The following ERC2 variants were observed in gnomAD, a reference collection of about 807,000 sequenced individuals.
ERC2 encodes ELKS/RAB6-interacting/CAST family member 2, also known as ERC protein 2.
A neutral mutation model predicts 114.8 loss-of-function variants in ERC2; 42 were observed. That is an observed-to-expected ratio of 0.37 (90% CI 0.29 to 0.47). The LOEUF is 0.47. Ranked by LOEUF, ERC2 falls within the 20% of genes least tolerant of loss-of-function variation. The pLI, the probability that ERC2 is intolerant of heterozygous loss-of-function variation, is 0.99. For synonymous variants in ERC2, 454 were observed against 425.5 expected (o/e 1.07, Z -0.82); for missense variants, 939 against 1,150.7 (o/e 0.82, Z 2.66).
intron 14 of ERC2, among the ~76,000 whole-genome samples, chr3:55,864,116 TATACAC>T (rs58611764): frequency 1.5e-3 from 178 of 118,520 alleles, no homozygotes; most frequent in African/African-American, 5.4e-3. Flanking sequence ...TATATATATA[TATACAC>T]ACACACATAT....
intron 15 of ERC2, among the ~76,000 whole-genome samples, chr3:55,731,771 T>C (rs1306965830): frequency 6.6e-6 from 1 of 152,206 alleles, no homozygotes; most frequent in Admixed American, 6.5e-5. Context: ...AGTTGATGTA[T>C]GTAAAGCCCT....
intron 13 of ERC2, among the ~76,000 whole-genome samples, chr3:55,918,848 C>T (rs1051381027): frequency 6.6e-6 from 1 of 150,450 alleles, no homozygotes; most frequent in Non-Finnish European, 1.5e-5. Flanking sequence ...AAGAATCATG[C>T]CAAAACACAG....
chr3:55,746,293 G>T (rs1033684585), intron 14 of ERC2, among the ~76,000 whole-genome samples: 1 of 151,836 alleles, frequency 6.6e-6, no homozygotes, highest in African/African-American at 2.4e-5. Flanking sequence ...GAGTGCAGTG[G>T]CATCATCTCG....
At chr3:56,334,817 T>C (rs1359507424) in intron 2 of ERC2, among the ~76,000 whole-genome samples, 3 of 150,946 alleles carry the variant, frequency 2.0e-5, no homozygotes, top group African/African-American at 7.4e-5. Context: ...GTTTGTTTGT[T>C]TGTTTGAAAC....
chr3:55,610,062 A>C (rs145015862), intron 17 of ERC2, among the ~76,000 whole-genome samples: 1 of 108,942 alleles, frequency 9.2e-6, no homozygotes, highest in Non-Finnish European at 1.8e-5. Context: ...AACAAACACA[A>C]ACAAAAAAAA....
At chr3:56,354,744 T>C (rs1293047456) in intron 2 of ERC2, among the ~76,000 whole-genome samples, 1 of 152,204 alleles carries the variant, frequency 6.6e-6, no homozygotes, top group Non-Finnish European at 1.5e-5. Flanking sequence ...AGATACTTTT[T>C]GAATTGAAAT....
intron 7 of ERC2, among the ~76,000 whole-genome samples, chr3:56,032,574 T>C (rs1347469666): frequency 2.0e-5 from 3 of 152,010 alleles, no homozygotes; most frequent in Non-Finnish European, 4.4e-5. Flanking sequence ...TATAAAAAGA[T>C]CTTCACTGAG....
intron 4 of ERC2, among the ~76,000 whole-genome samples, chr3:56,160,010 T>A (rs2081966394): frequency 6.6e-6 from 1 of 152,146 alleles, no homozygotes; most frequent in Non-Finnish European, 1.5e-5. Flanking sequence ...TTTACATTCC[T>A]TTGGGTAATG....
At chr3:56,308,531 T>C (rs972917746) in intron 2 of ERC2, among the ~76,000 whole-genome samples, 1 of 152,192 alleles carries the variant, frequency 6.6e-6, no homozygotes, top group African/African-American at 2.4e-5. Flanking sequence ...ATTATATATG[T>C]ATGATGTGCA....
At chr3:55,633,512 C>T (rs6803782) in intron 17 of ERC2, among the ~76,000 whole-genome samples, 1 of 152,048 alleles carries the variant, frequency 6.6e-6, no homozygotes, top group Non-Finnish European at 1.5e-5. Flanking sequence ...CTCTACTGGG[C>T]TGTAAGCTTC....
intron 14 of ERC2, among the ~76,000 whole-genome samples, chr3:55,869,246 C>A (rs2062459502): frequency 6.6e-6 from 1 of 152,054 alleles, no homozygotes; most frequent in Non-Finnish European, 1.5e-5. Context: ...GGGTCTCTAG[C>A]CCTGCTTGGT....
intron 2 of ERC2, among the ~76,000 whole-genome samples, chr3:56,373,856 G>A (rs1560696557): frequency 6.6e-6 from 1 of 152,058 alleles, no homozygotes; most frequent in Non-Finnish European, 1.5e-5. Context: ...TAATTCTTGT[G>A]TGCTCTGAAA....
chr3:56,121,013 T>C (rs2079543806), intron 6 of ERC2, among the ~76,000 whole-genome samples: 1 of 152,214 alleles, frequency 6.6e-6, no homozygotes, highest in Admixed American at 6.5e-5. Context: ...CCCAGAATCA[T>C]GCAGCTGGAA....
At chr3:56,425,585 T>C (rs1390201387) in intron 2 of ERC2, among the ~76,000 whole-genome samples, 1 of 147,610 alleles carries the variant, frequency 6.8e-6, no homozygotes, top group Non-Finnish European at 1.5e-5. Flanking sequence ...TTTTTTGGCT[T>C]ATGCAGGCTT....
intron 14 of ERC2, among the ~76,000 whole-genome samples, chr3:55,779,833 G>A (rs532824852): frequency 3.3e-5 from 5 of 152,224 alleles, no homozygotes; most frequent in South Asian, 2.1e-4. Flanking sequence ...CATCAGAATC[G>A]TGGGTCTGAT....
intron 8 of ERC2, 150 bp from the exon 9 acceptor site, chr3:56,010,739 G>T: frequency 1.1e-6 from 1 of 871,066 alleles, no homozygotes; most frequent in South Asian, 2.1e-5. Context: ...TTCGTGGGGA[G>T]GCTGTGCATA....
rs191582003 is a variant in ERC2 at position 56,283,162 on chromosome 3, A to G, written c.1074+12857T>C. On this transcript the variant is annotated intron_variant, in intron 3 of 17. Transcript: ENST00000288221. ...GTTTTTAAGGCATCTCAAGCTTTCA[A>G]TGTGCAATTGGCAAAGATTTAGCCA... Among the ~76,000 whole-genome samples, 743 of 152,346 alleles carry G rather than the reference A, an allele frequency of 4.9e-3. 12 individuals are homozygous for G. The highest frequency in any genetic ancestry group is 4.4e-3 in the Non-Finnish European group (296 of 68,030).
chr3:55,765,555 G>A (rs1326608034), intron 14 of ERC2, among the ~76,000 whole-genome samples: 1 of 152,160 alleles, frequency 6.6e-6, no homozygotes, highest in African/African-American at 2.4e-5. Context: ...GACTCAAAAT[G>A]AACATTTTTA....
chr3:55,945,796 A>G (rs1033823046), intron 13 of ERC2, among the ~76,000 whole-genome samples: 1 of 152,210 alleles, frequency 6.6e-6, no homozygotes, highest in Admixed American at 6.5e-5. Flanking sequence ...AACCACGGGC[A>G]GAGAAGAAAC....
Sources: gnomAD v4.1 joint callset for allele counts (sites outside exome capture counted in the v4.1 genomes callset) on GRCh38, gnomAD v4.1.1 for gene constraint, MANE v1.5 for transcripts, NCBI Gene and HGNC (gene_info 2026-07-23, HGNC 2026-07-21) for gene names.